Variants in LCN12 observed in about 807,000 individuals in gnomAD.
The protein encoded by LCN12 is lipocalin 12.
Under a neutral mutation model 23.7 loss-of-function variants are expected in LCN12, and 15 were observed. The observed-to-expected ratio is 0.63, with a 90% CI of 0.42 to 0.97. LCN12 has a LOEUF of 0.97. LCN12 is among the 50% of genes least tolerant of loss of function. LCN12 has a pLI of 0.00. For synonymous variants in LCN12, 116 were observed against 111.5 expected, an observed-to-expected ratio of 1.04 and a Z score of -0.25; for missense variants, 219 against 249.6, an observed-to-expected ratio of 0.88 and a Z score of 0.83.
rs943354600 is a variant in LCN12 at position 136,952,281 on chromosome 9, A to G, written c.-47A>G. The stretch of plus-strand genomic sequence containing the variant: ...AGGTGGGTCTCTGGGTCACCTGCCC[A>G]TGGCCACTTCCTTCTCTCTGTCCCT... On this transcript the variant is annotated 5_prime_UTR_variant, in exon 1 of 6. The change abolishes an upstream ATG in the 5' untranslated region. Transcript: ENST00000371633. The G allele has an allele frequency of 5.0e-6, 7 of 1,410,794 alleles. No homozygotes were observed. Among genetic ancestry groups the G allele is most frequent in the Non-Finnish European group, 6.9e-6 (7 of 1,010,416 alleles). 87.4% of individuals were successfully genotyped at this position (1,410,794 alleles called of 1,614,324 possible).
chr9:136,950,029 C>T (rs552563819), upstream of LCN12, among the ~76,000 whole-genome samples: 1 of 151,644 alleles, frequency 6.6e-6, no homozygotes, highest in Non-Finnish European at 1.5e-5. Flanking sequence ...AGCCAGGACT[C>T]CCCCGGGAGC....
At chr9:136,951,740 G>A (rs893359419), upstream of LCN12, among the ~76,000 whole-genome samples, 9 of 152,348 alleles carry the variant, frequency 5.9e-5, no homozygotes, top group Admixed American at 4.6e-4. Context: ...CCTCCACCCC[G>A]GCCTCATGGC....
upstream of LCN12, among the ~76,000 whole-genome samples, chr9:136,950,205 G>C (rs544170918): frequency 1.3e-5 from 2 of 152,206 alleles, no homozygotes; most frequent in Non-Finnish European, 2.9e-5. Flanking sequence ...GCCCCGCGGT[G>C]GGGGGAGGAG....
upstream of LCN12, chr9:136,951,470 A>T (rs1448911114): frequency 1.3e-5 from 2 of 152,252 alleles, no homozygotes; most frequent in African/African-American, 4.8e-5. Context: ...GTCCAGGGTG[A>T]TGTCAAACTC....
At chr9:136,953,219 T>A (rs1051583316) in intron 2 of LCN12, 191 bp downstream of exon 2, 4 of 728,412 alleles carry the variant, frequency 5.5e-6, no homozygotes, top group Admixed American at 5.4e-5. Flanking sequence ...GGCTCACACC[T>A]GTAATCCTAG....
At chr9:136,954,816 G>T (rs750876224) in intron 5 of LCN12, 20 of 1,283,770 alleles carry the variant, frequency 1.6e-5, no homozygotes, top group Non-Finnish European at 2.0e-5. Flanking sequence ...CTCTTCTTGT[G>T]GGAGGGCGAG....
At chr9:136,950,984 G>C (rs998328264), upstream of LCN12, among the ~76,000 whole-genome samples, 42 of 148,198 alleles carry the variant, frequency 2.8e-4, no homozygotes, top group Non-Finnish European at 1.0e-4. Context: ...CCAGGACAGG[G>C]AATCTGGGGT....
At chr9:136,950,198 C>G (rs1185056071), upstream of LCN12, among the ~76,000 whole-genome samples, 1 of 152,200 alleles carries the variant, frequency 6.6e-6, no homozygotes, top group African/African-American at 2.4e-5. Flanking sequence ...TGCGTCTGCC[C>G]CGCGGTGGGG....
intron 2 of LCN12, chr9:136,953,333 G>A (rs1190859767): frequency 2.6e-5 from 13 of 494,862 alleles, no homozygotes; most frequent in East Asian, 7.5e-5. Context: ...GGGGCCGGGC[G>A]CGCTGGCTCA....
At chr9:136,949,413 C>G (rs945453187), upstream of LCN12, 5 of 152,226 alleles carry the variant, frequency 3.3e-5, no homozygotes, top group African/African-American at 1.2e-4. Flanking sequence ...CAGGCAGGTG[C>G]CGTGCCCGTC....
chr9:136,954,445 G>A, intron 5 of LCN12, 190 bp downstream of exon 5: 1 of 736,488 alleles, frequency 1.4e-6, no homozygotes, highest in Non-Finnish European at 2.3e-6. Flanking sequence ...GCCGCCCCGG[G>A]TCCCCTGTCC....
chr9:136,953,579 C>T (rs1196340719), intron 2 of LCN12, 121 bp from the exon 3 acceptor site: 17 of 665,166 alleles, frequency 2.6e-5, no homozygotes, highest in Middle Eastern at 3.5e-4. Context: ...CCACTCATGA[C>T]GCTTGGCCAC....
chr9:136,952,521 G>A, intron 1 of LCN12, 80 bp downstream of exon 1: 3 of 1,029,732 alleles, frequency 2.9e-6, no homozygotes, highest in Non-Finnish European at 4.3e-6. Flanking sequence ...CAGGCCTGGG[G>A]ATGCTGCCCA....
intron 5 of LCN12, chr9:136,954,683 C>G (rs1377571621): frequency 7.8e-7 from 1 of 1,283,804 alleles, no homozygotes; most frequent in Admixed American, 2.3e-5. Context: ...ACCTCCTCCC[C>G]TCACCCATCC....
At chr9:136,950,144 G>A (rs1028148170), upstream of LCN12, among the ~76,000 whole-genome samples, 2 of 152,240 alleles carry the variant, frequency 1.3e-5, no homozygotes, top group African/African-American at 2.4e-5. Flanking sequence ...CGGAGGTCAC[G>A]TGCCCACCCT....
chr9:136,951,055 C>T (rs1278501410), upstream of LCN12, among the ~76,000 whole-genome samples: 1 of 140,778 alleles, frequency 7.1e-6, no homozygotes, highest in African/African-American at 2.5e-5. Context: ...AGGCCAGGCA[C>T]ACGGTGAGTG....
chr9:136,955,804 C>G (rs883108), downstream of LCN12, among the ~76,000 whole-genome samples: 31,876 of 152,178 alleles, frequency 0.21, 3,574 homozygotes, highest in Non-Finnish European at 0.24. Flanking sequence ...GGTCAGCACT[C>G]GGGGCTGCCA....
intron 1 of LCN12, 109 bp from the exon 2 acceptor site, chr9:136,952,783 C>T: frequency 7.5e-7 from 1 of 1,328,258 alleles, no homozygotes; most frequent in South Asian, 1.4e-5. Context: ...GCCAGGAGCA[C>T]TGCTCTGTGA....
At chr9:136,950,726 C>T (rs1157949504), upstream of LCN12, among the ~76,000 whole-genome samples, 1 of 152,178 alleles carries the variant, frequency 6.6e-6, no homozygotes, top group Non-Finnish European at 1.5e-5. Flanking sequence ...TCCAACTTTT[C>T]CTTCCCTGGG....
Sources: allele counts gnomAD v4.1 joint callset (sites outside exome capture counted in the v4.1 genomes callset), GRCh38; gene constraint gnomAD v4.1.1; transcripts MANE v1.5; gene names NCBI Gene and HGNC (gene_info 2026-07-23, HGNC 2026-07-21).